NEIL2: variants seen among roughly 807,000 people sequenced by gnomAD.
NEIL2 encodes the protein nei like DNA glycosylase 2.
Under a neutral mutation model 22.2 loss-of-function variants are expected in NEIL2, and 23 were observed. The ratio of observed to expected loss-of-function variants is 1.04; its 90% confidence interval spans 0.75 to 1.47. The LOEUF is 1.47. NEIL2 is among the 40% of genes most tolerant of loss of function. NEIL2 has a pLI of 0.00. For missense variants in NEIL2, 583 were observed against 404.7 expected (o/e 1.44, Z -3.78); for synonymous variants, 229 against 164.8 (o/e 1.39, Z -2.99).
rs898438026 is a variant in NEIL2, at chr8:11,786,260, G to A, written c.986G>A (p.Cys329Tyr). The part of the protein sequence containing the change: ...QPQLSEEPEQ[C>Y]QFS ...CAGTTGTCAGAGGAGCCAGAGCAGT[G>A]CCAGTTCTCCTAAGGAGCTGGTGGT... The change falls in exon 5 of 5, where the codon TGC (cysteine) becomes TAC (tyrosine). Residue 329 changes from cysteine (C) to tyrosine (Y), a missense_variant. Transcript: ENST00000284503. 3 of 1,612,008 alleles carry A rather than the reference G, an allele frequency of 1.9e-6. No homozygotes were observed. The highest frequency in any genetic ancestry group is 1.3e-5 in the African/African-American group (1 of 74,882).
chr8:11,776,575 T>C (rs921340649), intron 2 of NEIL2, among the ~76,000 whole-genome samples: 5 of 152,382 alleles, frequency 3.3e-5, no homozygotes, highest in African/African-American at 1.2e-4. Context: ...GTGGAATTGC[T>C]GGACCATATA....
At chr8:11,782,365 C>T (rs1381351129) in intron 3 of NEIL2, among the ~76,000 whole-genome samples, 1 of 152,118 alleles carries the variant, frequency 6.6e-6, no homozygotes, top group African/African-American at 2.4e-5. Context: ...GAAGAGATTG[C>T]AGTGAGCCAA....
intron 2 of NEIL2, among the ~76,000 whole-genome samples, chr8:11,774,703 A>G (rs1803757821): frequency 6.6e-6 from 1 of 152,248 alleles, no homozygotes. Flanking sequence ...CAAGTTAGTT[A>G]CTTCCTAGAT....
At chr8:11,776,415 A>G (rs1309847752) in intron 2 of NEIL2, among the ~76,000 whole-genome samples, 3 of 152,210 alleles carry the variant, frequency 2.0e-5, no homozygotes, top group Non-Finnish European at 4.4e-5. Context: ...CATATCACAC[A>G]TTTTATGGTC....
At position 11,783,346 on chromosome 8, in the gene NEIL2, A is replaced by C; in HGVS notation, c.635A>C (p.Gln212Pro). ...HRGQALEALG[Q>P]AQPVCYTLLD... ...GGACAAGCCTTAGAAGCTCTAGGCC[A>C]GGCTCAGCCTGTCTGCTATACACTG... Residue 212 changes from glutamine (Q) to proline (P), a missense_variant, in exon 4 of 5, where the codon CAG becomes CCG. Gln to Pro is a moderately conservative substitution (Grantham distance 76, BLOSUM62 -1). Coordinates refer to ENST00000284503, the MANE Select transcript of NEIL2 (RefSeq NM_145043.4). 1 of 1,614,242 alleles carries C rather than the reference A, an allele frequency of 6.2e-7. No homozygotes were observed. The highest frequency in any genetic ancestry group is 1.1e-5 in the South Asian group (1 of 91,088).
intron 4 of NEIL2, 97 bp from the exon 5 acceptor site, chr8:11,785,866 C>T (rs1354432626): frequency 3.6e-6 from 4 of 1,120,232 alleles, no homozygotes; most frequent in South Asian, 2.5e-5. Flanking sequence ...TCCCCCAGGA[C>T]ATGGAAGAGC....
chr8:11,780,080 G>C, intron 3 of NEIL2, 130 bp downstream of exon 3: 1 of 727,666 alleles, frequency 1.4e-6, no homozygotes, highest in Admixed American at 2.5e-5. Context: ...TGCTGTCTTG[G>C]GGAGAGAGGC....
intron 4 of NEIL2, among the ~76,000 whole-genome samples, chr8:11,785,258 C>T (rs756000167): frequency 6.6e-6 from 1 of 152,168 alleles, no homozygotes; most frequent in East Asian, 1.9e-4. Context: ...TGCAGTGGCA[C>T]AATCTCAGAT....
At chr8:11,776,314 T>A (rs1162169176) in intron 2 of NEIL2, among the ~76,000 whole-genome samples, 1 of 152,182 alleles carries the variant, frequency 6.6e-6, no homozygotes, top group East Asian at 1.9e-4. Flanking sequence ...TCCCCATGAT[T>A]CAGTTATCTC....
intron 2 of NEIL2, among the ~76,000 whole-genome samples, chr8:11,773,176 C>T (rs750935212): frequency 7.2e-5 from 11 of 152,162 alleles, no homozygotes; most frequent in Non-Finnish European, 1.5e-4. Context: ...TCTGGATCCC[C>T]AGCACTTACC....
rs1263469619 is a variant in NEIL2, at chr8:11,781,561, T to C, written c.491+1611T>C. Among the ~76,000 whole-genome samples the C allele has an allele frequency of 5.9e-5, 9 of 152,354 alleles. No individual in the cohort carries two copies. The East Asian group carries it at 1.5e-3, about 26-fold the overall frequency. On this transcript the variant is annotated intron_variant, in intron 3 of 4. Coordinates refer to ENST00000284503, the MANE Select transcript of NEIL2 (RefSeq NM_145043.4). ...TAGTCACCAGCTGGAGGCATTGAAATGTGCTCCCCGAAGGAGGCTCACCCC... is the reference window on the plus strand; with the variant it reads ...TAGTCACCAGCTGGAGGCATTGAAACGTGCTCCCCGAAGGAGGCTCACCCC...
chr8:11,784,548 G>A (rs1804725694), intron 4 of NEIL2, among the ~76,000 whole-genome samples: 1 of 152,160 alleles, frequency 6.6e-6, no homozygotes, highest in African/African-American at 2.4e-5. Context: ...GAGGCTCTTG[G>A]AAACAGCAGG....
chr8:11,776,448 T>C (rs1257946063), intron 2 of NEIL2, among the ~76,000 whole-genome samples: 1 of 152,258 alleles, frequency 6.6e-6, no homozygotes, highest in East Asian at 1.9e-4. Context: ...TCATCAGTTG[T>C]TGGACACTCG....
chr8:11,771,294 C>G (rs1803412112), intron 1 of NEIL2, among the ~76,000 whole-genome samples, 152 bp from the exon 2 acceptor site: 1 of 152,168 alleles, frequency 6.6e-6, no homozygotes, highest in Admixed American at 6.5e-5. Flanking sequence ...ATGATCTGAC[C>G]GCCTCCCAGC....
chr8:11,786,280 G>A lies in NEIL2; in HGVS notation c.*7G>A, dbSNP rs1804943030. 1.2e-6 allele frequency: 2 copies of A among 1,608,388 alleles called. No homozygotes were observed. Among genetic ancestry groups the A allele is most frequent in the Non-Finnish European group, 1.7e-6 (2 of 1,178,810 alleles). ...GCAGTGCCAGTTCTCCTAAGGAGCT[G>A]GTGGTGCTCCTCACGGAACCTTGCC... On this transcript the variant is annotated 3_prime_UTR_variant, in exon 5 of 5. Transcript: ENST00000284503.
At chr8:11,782,133 A>G (rs373725795) in intron 3 of NEIL2, among the ~76,000 whole-genome samples, 1 of 151,920 alleles carries the variant, frequency 6.6e-6, no homozygotes, top group East Asian at 1.9e-4. Context: ...GGAGTATTGA[A>G]AATATTAGGT....
chr8:11,773,363 C>A (rs1190924515), intron 2 of NEIL2, among the ~76,000 whole-genome samples: 1 of 152,138 alleles, frequency 6.6e-6, no homozygotes, highest in Non-Finnish European at 1.5e-5. Context: ...GGCTGCCTGG[C>A]AGTGCTTTGA....
intron 2 of NEIL2, among the ~76,000 whole-genome samples, chr8:11,772,307 T>C (rs778824818): frequency 3.9e-5 from 6 of 152,326 alleles, no homozygotes; most frequent in Admixed American, 6.5e-5. Context: ...TGCCTCCCTC[T>C]CTAGCCTTCT....
intron 1 of NEIL2, 140 bp from the exon 2 acceptor site, chr8:11,771,304 CCA>C: frequency 9.9e-7 from 1 of 1,005,402 alleles, no homozygotes. Context: ...CGCCTCCCAG[CCA>C]CACTCCCTTT....
Sources: gnomAD v4.1 joint callset for allele counts (sites outside exome capture counted in the v4.1 genomes callset) on GRCh38, gnomAD v4.1.1 for gene constraint, MANE v1.5 for transcripts, NCBI Gene and HGNC (gene_info 2026-07-23, HGNC 2026-07-21) for gene names.